The following RASEF variants were observed in gnomAD, a reference collection of about 807,000 sequenced individuals.
The protein encoded by RASEF is RAS and EF-hand domain containing, also known as ras and EF-hand domain-containing protein.
Under a neutral mutation model 90.1 loss-of-function variants are expected in RASEF, and 68 were observed. The ratio of observed to expected loss-of-function variants is 0.75; its 90% CI spans 0.62 to 0.92. The LOEUF (loss-of-function observed/expected upper bound fraction) is 0.92. Among genes scored for constraint, RASEF ranks in the 40% least tolerant of loss-of-function variants. RASEF has a pLI of 0.00. For synonymous variants in RASEF, 331 were observed against 345.2 expected, an observed-to-expected ratio of 0.96 and a Z score of 0.46; for missense variants, 949 against 937.2, an observed-to-expected ratio of 1.01 and a Z score of -0.16.
chr9:83,101,256 AG>A, the RASEF span, among the ~76,000 whole-genome samples: 1 of 152,204 alleles, frequency 6.6e-6, no homozygotes, highest in African/African-American at 2.4e-5. Context: ...CATTAAGCAC[AG>A]TTACCTCTTA....
At chr9:82,994,238 G>A (rs541034290) in intron 14 of RASEF, among the ~76,000 whole-genome samples, 3 of 152,236 alleles carry the variant, frequency 2.0e-5, no homozygotes, top group South Asian at 2.1e-4. Flanking sequence ...TCATTAATGC[G>A]CTCGTTAATT....
rs1057092666 is a variant in RASEF at position 83,004,604 on chromosome 9, T to A, written c.1114-18A>T. On this transcript the variant is annotated intron_variant, in intron 8 of 16. Coordinates refer to ENST00000376447, the MANE Select transcript of RASEF (RefSeq NM_152573.4). ...TTTATATGCTGTAATATAGAAGTAA[T>A]CATTTGTTAGTTCATGTAATTTTCA... is the stretch of plus-strand genomic sequence containing the variant. 21 of 1,418,336 alleles carry A rather than the reference T, an allele frequency of 1.5e-5. No homozygotes were observed. The highest frequency in any genetic ancestry group is 2.1e-5 in the Non-Finnish European group (21 of 1,002,246). The allele number at this position is 1,418,336 out of a possible 1,614,324, so 87.9% of individuals were successfully genotyped here.
At chr9:83,126,995 A>G in the RASEF span, among the ~76,000 whole-genome samples, 3 of 152,242 alleles carry the variant, frequency 2.0e-5, no homozygotes, top group African/African-American at 4.8e-5. Context: ...CTATGGACCT[A>G]TATCAGAATA....
chr9:83,205,848 T>G, the RASEF span, among the ~76,000 whole-genome samples: 2 of 152,170 alleles, frequency 1.3e-5, no homozygotes, highest in Admixed American at 1.3e-4. Flanking sequence ...CGGCCTTTCC[T>G]CTCCACATTT....
chr9:83,135,505 A>G, the RASEF span, among the ~76,000 whole-genome samples: 1 of 152,180 alleles, frequency 6.6e-6, no homozygotes, highest in Non-Finnish European at 1.5e-5. Context: ...TAAAAAATAA[A>G]TAAATAAATA....
At chr9:83,084,498 G>A in the RASEF span, among the ~76,000 whole-genome samples, 1 of 152,164 alleles carries the variant, frequency 6.6e-6, no homozygotes, top group Non-Finnish European at 1.5e-5. Context: ...GACTCAAAAT[G>A]TCCTATTTGT....
rs1829013693 is a variant in RASEF at position 83,000,554 on chromosome 9, T to G, written c.1454A>C (p.Asp485Ala). ...ATCTTCTAAACCAAATGTCTCTTCA[T>G]CCCTTATGTCAGGAACCTATTTTTT... is the stretch of plus-strand genomic sequence containing the variant. ...ASDTDVPDIR[D>A]EETFGLEDVA... Residue 485 changes from aspartate to alanine, a missense_variant, in exon 11 of 17, where the codon GAT becomes GCT. By Grantham distance (126) the Asp-to-Ala change is moderately radical. Coordinates refer to ENST00000376447, the MANE Select transcript of RASEF (RefSeq NM_152573.4). 1 of 1,598,218 alleles carries G rather than the reference T, an allele frequency of 6.3e-7. No individual in the cohort carries two copies. The highest frequency in any genetic ancestry group is 8.5e-7 in the Non-Finnish European group (1 of 1,175,668).
At chr9:83,038,597 A>G (rs1329550876) in intron 1 of RASEF, among the ~76,000 whole-genome samples, 1 of 152,148 alleles carries the variant, frequency 6.6e-6, no homozygotes, top group Non-Finnish European at 1.5e-5. Context: ...TTCCAGTACT[A>G]TTTTGCACAT....
the RASEF span, among the ~76,000 whole-genome samples, chr9:83,183,582 T>C: frequency 2.0e-4 from 31 of 152,318 alleles, no homozygotes; most frequent in African/African-American, 7.0e-4. Flanking sequence ...TAGCTTGACT[T>C]CCATTAAATC....
the RASEF span, among the ~76,000 whole-genome samples, chr9:83,184,662 C>T: frequency 1.3e-3 from 97 of 75,822 alleles, no homozygotes; most frequent in Non-Finnish European, 2.9e-5. Context: ...ACCAAATTCA[C>T]TTTGAACTGT....
At chr9:83,121,834 T>TAA in the RASEF span, among the ~76,000 whole-genome samples, 82,888 of 151,818 alleles carry the variant, frequency 0.55, 23,182 homozygotes, top group East Asian at 0.79. Context: ...CAGAGAGCAA[T>TAA]GACTCTGAAA....
chr9:83,194,737 A>G, the RASEF span, among the ~76,000 whole-genome samples: 1 of 152,206 alleles, frequency 6.6e-6, no homozygotes, highest in Non-Finnish European at 1.5e-5. Flanking sequence ...GCATGGCCTC[A>G]GGGACATTTA....
the RASEF span, among the ~76,000 whole-genome samples, chr9:83,146,738 A>G: frequency 1.3e-5 from 2 of 152,170 alleles, no homozygotes; most frequent in Non-Finnish European, 2.9e-5. Context: ...AATCTCAGGA[A>G]CATTTCCCAC....
At chr9:83,088,745 C>G in the RASEF span, among the ~76,000 whole-genome samples, 1 of 152,002 alleles carries the variant, frequency 6.6e-6, no homozygotes, top group Admixed American at 6.6e-5. Context: ...TACTCCTACT[C>G]TCTTTTGGTT....
the RASEF span, among the ~76,000 whole-genome samples, chr9:83,173,219 G>C: frequency 6.6e-6 from 1 of 151,824 alleles, no homozygotes; most frequent in African/African-American, 2.4e-5. Flanking sequence ...TTATGTCTCA[G>C]AGTAGTTTTA....
intron 1 of RASEF, chr9:83,048,313 G>C (rs1829969312): frequency 1.0e-6 from 1 of 985,392 alleles, no homozygotes. Context: ...CTGTGGTAGA[G>C]GGGTGGAAAC....
In RASEF at chr9:83,043,399, G is replaced by C. The variant is rs546581892; in HGVS notation, c.432-17478C>G. Among the ~76,000 whole-genome samples the C allele has an allele frequency of 2.4e-3, 342 of 143,058 alleles. 1 individual carries two copies. The highest frequency in any genetic ancestry group is 3.9e-3 in the Non-Finnish European group (258 of 66,974). 93.9% of individuals were successfully genotyped at this position (143,058 alleles called of 152,430 possible). ...TGGAAAGAGGGGTCTGCAGTGATTG[G>C]GGGGGGGGACCCTGGGCTTCTGCAA... is the stretch of plus-strand genomic sequence containing the variant. On this transcript the variant is annotated intron_variant, in intron 1 of 16. Coordinates refer to ENST00000376447, the MANE Select transcript of RASEF (RefSeq NM_152573.4).
chr9:83,063,829 GTTTC>G (rs1830258003), upstream of RASEF, among the ~76,000 whole-genome samples: 1 of 152,080 alleles, frequency 6.6e-6, no homozygotes, highest in Non-Finnish European at 1.5e-5. Flanking sequence ...CAATACTATT[GTTTC>G]TTTAACACTG....
chr9:82,990,754 T>A (rs1828798673), intron 15 of RASEF, among the ~76,000 whole-genome samples: 1 of 152,168 alleles, frequency 6.6e-6, no homozygotes, highest in South Asian at 2.1e-4. Context: ...TGCTACCAAA[T>A]GTTCTTTATC....
Sources: gnomAD v4.1 joint callset for allele counts (sites outside exome capture counted in the v4.1 genomes callset) on GRCh38, gnomAD v4.1.1 for gene constraint, MANE v1.5 for transcripts, NCBI Gene and HGNC (gene_info 2026-07-23, HGNC 2026-07-21) for gene names.